Variants in PIWIL1 observed in about 807,000 individuals in gnomAD.
PIWIL1 encodes the protein piwi like RNA-mediated gene silencing 1.
In PIWIL1, 73 loss-of-function variants were observed where a neutral mutation model predicts 114.4. The observed-to-expected ratio is 0.64, with a 90% CI of 0.53 to 0.78. The LOEUF is 0.78. PIWIL1 is among the 30% of genes least tolerant of loss of function. PIWIL1 has a pLI of 0.00. For synonymous variants in PIWIL1, 375 were observed against 369.0 expected (o/e 1.02, Z -0.19); for missense variants, 723 against 1,063.1 (o/e 0.68, Z 4.45).
intron 16 of PIWIL1, 104 bp downstream of exon 16, chr12:130,361,705 A>T (rs2073514368): frequency 5.9e-6 from 5 of 848,564 alleles, no homozygotes; most frequent in Non-Finnish European, 9.5e-6. Flanking sequence ...CCAGTTTCTC[A>T]ATCATATACA....
intron 1 of PIWIL1, among the ~76,000 whole-genome samples, chr12:130,341,471 C>T (rs1243222261): frequency 3.3e-5 from 5 of 152,254 alleles, no homozygotes; most frequent in African/African-American, 1.2e-4. Flanking sequence ...GATAACACTA[C>T]TAGCATCCTG....
chr12:130,415,261 A>C, the PIWIL1 span, among the ~76,000 whole-genome samples: 1 of 152,226 alleles, frequency 6.6e-6, no homozygotes, highest in African/African-American at 2.4e-5. Context: ...GCAAATCAAT[A>C]AATATGATTC....
At chr12:130,339,846 C>G (rs2072853104) in intron 1 of PIWIL1, 1 of 152,220 alleles carries the variant, frequency 6.6e-6, no homozygotes, top group Admixed American at 6.5e-5. Flanking sequence ...CCCAGCCAGT[C>G]CAGATGCTGC....
chr12:130,420,630 G>C, the PIWIL1 span, among the ~76,000 whole-genome samples: 1 of 152,160 alleles, frequency 6.6e-6, no homozygotes, highest in Non-Finnish European at 1.5e-5. This position sits in a 1 kb window ranked among gnomAD's most constrained non-coding sequence, Gnocchi z 4.3. Flanking sequence ...ACAGCCATTT[G>C]AAAAGCAATA....
chr12:130,342,427 TA>T lies in PIWIL1; in HGVS notation c.-12-145del, dbSNP rs576376139. On this transcript the variant is annotated intron_variant, in intron 1 of 20. Transcript: ENST00000245255. ...TTTGTTGAATGTAGGAATGTTACAT[TA>T]AAAAAAACTGTCATTAAAGATTAGA... 93 of 615,750 alleles carry T rather than the reference TA, an allele frequency of 1.5e-4. 1 individual carries two copies. Among genetic ancestry groups the T allele is most frequent in the African/African-American group, 1.2e-3 (64 of 54,006 alleles). The allele number at this position is 615,750 out of a possible 1,614,324, so 38.1% of individuals were successfully genotyped here. A position where few individuals can be genotyped will look rare whatever the true frequency, so the allele number is the denominator to read the frequency against.
chr12:130,405,579 C>A, the PIWIL1 span, among the ~76,000 whole-genome samples: 1 of 150,442 alleles, frequency 6.6e-6, no homozygotes, highest in Non-Finnish European at 1.5e-5. Flanking sequence ...CATTCCCTCC[C>A]TTTGCCCCAG....
chr12:130,362,560 C>T (rs998730650), intron 16 of PIWIL1, among the ~76,000 whole-genome samples: 21 of 152,186 alleles, frequency 1.4e-4, no homozygotes, highest in Non-Finnish European at 2.9e-5. Context: ...AAAACAGACA[C>T]AGTTTGTGAT....
the PIWIL1 span, among the ~76,000 whole-genome samples, chr12:130,391,690 C>T: frequency 1.3e-5 from 2 of 152,142 alleles, no homozygotes; most frequent in Non-Finnish European, 2.9e-5. Context: ...GAGGCAGACA[C>T]CAGCTGTGGT....
intron 19 of PIWIL1, among the ~76,000 whole-genome samples, chr12:130,367,930 C>T (rs927371586): frequency 2.0e-5 from 3 of 152,092 alleles, no homozygotes; most frequent in Non-Finnish European, 2.9e-5. Context: ...CCTGAATAGC[C>T]GGAATTACAG....
the PIWIL1 span, chr12:130,426,192 A>T: frequency 6.6e-6 from 1 of 152,266 alleles, no homozygotes; most frequent in Non-Finnish European, 1.5e-5. Context: ...GCCACGTGAG[A>T]ACGTGTGCGC....
chr12:130,344,432 T>C (rs2073012679), intron 3 of PIWIL1, among the ~76,000 whole-genome samples: 1 of 152,234 alleles, frequency 6.6e-6, no homozygotes, highest in African/African-American at 2.4e-5. Context: ...GGAAGTGCCT[T>C]GTAAAGTGCT....
the PIWIL1 span, among the ~76,000 whole-genome samples, chr12:130,384,946 T>C: frequency 7.9e-5 from 12 of 152,248 alleles, no homozygotes; most frequent in African/African-American, 2.4e-4. Context: ...ATTTGAAATA[T>C]TTTGGAGAAG....
chr12:130,386,436 C>T, the PIWIL1 span, among the ~76,000 whole-genome samples: 1 of 66,474 alleles, frequency 1.5e-5, no homozygotes, highest in African/African-American at 5.3e-5. Context: ...CACCCATGCA[C>T]ACTACCCCTT....
chr12:130,403,333 A>G, the PIWIL1 span, among the ~76,000 whole-genome samples: 3 of 152,324 alleles, frequency 2.0e-5, no homozygotes, highest in East Asian at 3.9e-4. Context: ...GTTTCATATT[A>G]ATTTAGATCT....
At position 130,342,608 on chromosome 12, in the gene PIWIL1, G is replaced by A. The variant is rs1333862057; in HGVS notation, c.17G>A (p.Arg6Gln). Residue 6 changes from arginine (R) to glutamine (Q), a missense_variant, in exon 2 of 21, where the codon CGA becomes CAA. Around this residue, in one of 8 missense-constraint regions of PIWIL1, gnomAD observed 91 missense variants for 76.2 expected, o/e 1.19. Coordinates refer to ENST00000245255, the MANE Select transcript of PIWIL1 (RefSeq NM_004764.5). The stretch of plus-strand genomic sequence containing the variant: ...TAGAAAACAATGACTGGGAGAGCCC[G>A]AGCCAGAGCCAGAGGAAGGGCCCGC... MTGRARARARGRARGQ... is the reference protein window; with the variant it reads MTGRAQARARGRARGQ... 6.2e-7 allele frequency: 1 copy of A among 1,613,550 alleles called. No individual in the cohort carries two copies. Among genetic ancestry groups the A allele is most frequent in the Non-Finnish European group, 8.5e-7 (1 of 1,179,544 alleles).
chr12:130,352,258 C>G (rs548832914), intron 9 of PIWIL1, among the ~76,000 whole-genome samples: 1 of 152,212 alleles, frequency 6.6e-6, no homozygotes, highest in African/African-American at 2.4e-5. Flanking sequence ...ATCTAGGAAA[C>G]AGAGTAGAAG....
chr12:130,361,634 G>A (rs1221707960), intron 16 of PIWIL1, 33 bp downstream of exon 16: 2 of 1,547,232 alleles, frequency 1.3e-6, no homozygotes, highest in African/African-American at 1.4e-5. Context: ...GGGTGGCAGT[G>A]AGGACATAAA....
At chr12:130,404,086 G>A in the PIWIL1 span, among the ~76,000 whole-genome samples, 4 of 152,074 alleles carry the variant, frequency 2.6e-5, no homozygotes, top group Non-Finnish European at 5.9e-5. Flanking sequence ...TAAAAATGAT[G>A]ACAAATTATA....
the PIWIL1 span, among the ~76,000 whole-genome samples, chr12:130,391,761 AGG>A: frequency 6.7e-6 from 1 of 148,694 alleles, no homozygotes; most frequent in Non-Finnish European, 1.5e-5. Flanking sequence ...AGGGCCAGAG[AGG>A]GGTGAGGATG....
Sources: allele counts gnomAD v4.1 joint callset (sites outside exome capture counted in the v4.1 genomes callset), GRCh38; gene constraint gnomAD v4.1.1; regional missense constraint gnomAD v4.1.1; non-coding constraint Gnocchi (gnomAD v3.1); transcripts MANE v1.5; gene names NCBI Gene and HGNC (gene_info 2026-07-23, HGNC 2026-07-21).